Variants in KIF27 observed in about 807,000 individuals in gnomAD.
KIF27 encodes the protein kinesin-like protein KIF27.
A neutral mutation model predicts 141.8 loss-of-function variants in KIF27; 84 were observed. The observed-to-expected ratio is 0.59, with a 90% CI of 0.50 to 0.71. The LOEUF (loss-of-function observed/expected upper bound fraction) is 0.71. Among genes scored for constraint, KIF27 ranks in the 30% least tolerant of loss-of-function variants. The pLI is 0.00. For missense variants in KIF27, 1,306 were observed against 1,628.4 expected (o/e 0.80, Z 3.41); for synonymous variants, 471 against 569.5 (o/e 0.83, Z 2.46).
chr9:83,845,074 A>G (rs1239486149), intron 16 of KIF27, among the ~76,000 whole-genome samples: 1 of 152,152 alleles, frequency 6.6e-6, no homozygotes, highest in Admixed American at 6.5e-5. Context: ...AGCAGATCCA[A>G]TGGTGCTTGA....
At chr9:83,905,308 C>T (rs1468230717) in intron 3 of KIF27, among the ~76,000 whole-genome samples, 2 of 151,978 alleles carry the variant, frequency 1.3e-5, no homozygotes, top group Non-Finnish European at 2.9e-5. Context: ...TTAGTACAGA[C>T]GGGGTTTCAC....
At chr9:83,921,020 G>C (rs1286196897) in intron 1 of KIF27, among the ~76,000 whole-genome samples, 1 of 152,180 alleles carries the variant, frequency 6.6e-6, no homozygotes, top group Admixed American at 6.5e-5. Context: ...ACGAACACAG[G>C]GTGCGCTCTG....
intron 11 of KIF27, 85 bp downstream of exon 11, chr9:83,880,212 C>T: frequency 6.3e-7 from 1 of 1,583,248 alleles, no homozygotes; most frequent in South Asian, 1.1e-5. Flanking sequence ...CTTCACAAGC[C>T]AACTGAATGA....
At chr9:83,911,623 A>G (rs1167955064) in intron 2 of KIF27, among the ~76,000 whole-genome samples, 1 of 152,046 alleles carries the variant, frequency 6.6e-6, no homozygotes, top group Non-Finnish European at 1.5e-5. Context: ...AGCTCACTGC[A>G]GCCTCTGCCT....
intron 10 of KIF27, among the ~76,000 whole-genome samples, chr9:83,881,562 T>G (rs1951677562): frequency 6.6e-6 from 1 of 152,222 alleles, no homozygotes; most frequent in Non-Finnish European, 1.5e-5. Flanking sequence ...ACTGTTAGAT[T>G]CGGTTGACGT....
At chr9:83,870,145 A>ATCTC (rs1950655110) in intron 12 of KIF27, among the ~76,000 whole-genome samples, 1 of 151,030 alleles carries the variant, frequency 6.6e-6, no homozygotes, top group Non-Finnish European at 1.5e-5. Context: ...CTATCTCTCT[A>ATCTC]TCTATCTATC....
intron 5 of KIF27, among the ~76,000 whole-genome samples, chr9:83,892,527 G>C (rs963459): frequency 0.32 from 48,841 of 151,776 alleles, 8,678 homozygotes; most frequent in African/African-American, 0.48. Context: ...GGAACACAGA[G>C]GAGGAAGGAT....
At chr9:83,870,313 C>T (rs1241481464) in intron 12 of KIF27, among the ~76,000 whole-genome samples, 1 of 152,090 alleles carries the variant, frequency 6.6e-6, no homozygotes, top group Non-Finnish European at 1.5e-5. Context: ...ATTACAAGCG[C>T]CTGCCACCAA....
intron 13 of KIF27, among the ~76,000 whole-genome samples, chr9:83,860,810 T>C (rs1949811503): frequency 6.6e-6 from 1 of 152,118 alleles, no homozygotes; most frequent in African/African-American, 2.4e-5. Flanking sequence ...TGAGTCTTCC[T>C]TTTTCATAGT....
intron 3 of KIF27, among the ~76,000 whole-genome samples, chr9:83,904,339 C>T (rs1236841410): frequency 6.6e-6 from 1 of 152,120 alleles, no homozygotes; most frequent in Non-Finnish European, 1.5e-5. Context: ...ACCCTTCATT[C>T]CAGTCTTTTG....
At chr9:83,887,994 A>G (rs1202091156) in intron 8 of KIF27, among the ~76,000 whole-genome samples, 3 of 129,440 alleles carry the variant, frequency 2.3e-5, no homozygotes, top group East Asian at 2.3e-4. Context: ...AAAATCTCCT[A>G]CTACCGGCTG....
At position 83,915,340 on chromosome 9, in the gene KIF27, T is replaced by C; in HGVS notation, c.252A>G (p.Gly84=). 6.2e-7 allele frequency: 1 copy of C among 1,613,632 alleles called. No homozygotes were observed. The highest frequency in any genetic ancestry group is 1.1e-5 in the South Asian group (1 of 91,044). ...TGTATGTCTTCCCAGATCCAGTTTG[T>C]CCATAGGCAAAAACAGTTGCATTAT... is the stretch of plus-strand genomic sequence containing the variant. ...EGYNATVFAY[G]QTGSGKTYTI... The change falls in exon 2 of 18, where the codon GGA becomes GGG. Residue 84 remains glycine, a synonymous_variant. Coordinates refer to ENST00000297814, the MANE Select transcript of KIF27 (RefSeq NM_017576.4).
At chr9:83,878,691 T>C (rs1162298995) in intron 11 of KIF27, among the ~76,000 whole-genome samples, 3 of 152,170 alleles carry the variant, frequency 2.0e-5, no homozygotes, top group East Asian at 1.9e-4. Context: ...ATATGAAGTA[T>C]CTAGAATAAG....
chr9:83,892,681 A>C (rs1269965006), intron 5 of KIF27, among the ~76,000 whole-genome samples: 2 of 152,192 alleles, frequency 1.3e-5, no homozygotes, highest in Non-Finnish European at 2.9e-5. Flanking sequence ...ACATATCTAA[A>C]ATAGACACAG....
At chr9:83,881,273 CCAAA>C (rs752659457) in intron 10 of KIF27, among the ~76,000 whole-genome samples, 49 of 152,268 alleles carry the variant, frequency 3.2e-4, no homozygotes, top group Admixed American at 2.0e-3. Flanking sequence ...TTAGTCCTGA[CCAAA>C]CAAACATGTA....
rs1357178373 is a variant in KIF27, at chr9:83,892,402, G to A, written c.1603-901C>T. Among the ~76,000 whole-genome samples, 6 of 152,068 alleles carry A rather than the reference G, an allele frequency of 3.9e-5. No homozygotes were observed. The East Asian group carries it at 9.7e-4, about 25-fold the overall frequency. On this transcript the variant is annotated intron_variant, in intron 5 of 17. Coordinates refer to ENST00000297814, the MANE Select transcript of KIF27 (RefSeq NM_017576.4). Reference sequence around the variant, plus strand: ...TAAAAGTACCAATTAATATTAGGGTGCATGGTATACTCTCTAGGATAACCA... The same window carrying A: ...TAAAAGTACCAATTAATATTAGGGTACATGGTATACTCTCTAGGATAACCA...
At chr9:83,865,796 G>C (rs1950309521) in intron 13 of KIF27, among the ~76,000 whole-genome samples, 1 of 152,014 alleles carries the variant, frequency 6.6e-6, no homozygotes, top group East Asian at 1.9e-4. Context: ...TGGCATTCCT[G>C]AAATGTCCAT....
At chr9:83,892,336 C>T (rs1471944705) in intron 5 of KIF27, among the ~76,000 whole-genome samples, 5 of 151,932 alleles carry the variant, frequency 3.3e-5, no homozygotes, top group African/African-American at 4.8e-5. Flanking sequence ...TATACAACAT[C>T]AAAGGATTCA....
chr9:83,859,467 A>T, intron 13 of KIF27, 96 bp from the exon 14 acceptor site: 1 of 780,790 alleles, frequency 1.3e-6, no homozygotes, highest in Non-Finnish European at 2.1e-6. Flanking sequence ...TGCTAAATGA[A>T]TATATTTTTA....
Sources: gnomAD v4.1 joint callset for allele counts (sites outside exome capture counted in the v4.1 genomes callset) on GRCh38, gnomAD v4.1.1 for gene constraint, MANE v1.5 for transcripts, NCBI Gene and HGNC (gene_info 2026-07-23, HGNC 2026-07-21) for gene names.